The following PDE7B variants were observed in gnomAD, a reference collection of about 807,000 sequenced individuals.
PDE7B encodes phosphodiesterase 7B.
A neutral mutation model predicts 56.2 loss-of-function variants in PDE7B; 29 were observed. The ratio of observed to expected loss-of-function variants is 0.52; its 90% CI spans 0.38 to 0.70. PDE7B has a LOEUF of 0.70. PDE7B is among the 30% of genes least tolerant of loss of function. The pLI is 0.00. For missense variants in PDE7B, 490 were observed against 565.0 expected (o/e 0.87, Z 1.35); for synonymous variants, 197 against 196.9 (o/e 1.00, Z 0.00).
chr6:135,904,006 T>C (rs975344405), intron 1 of PDE7B, among the ~76,000 whole-genome samples: 3 of 152,216 alleles, frequency 2.0e-5, no homozygotes, highest in Non-Finnish European at 4.4e-5. Context: ...AGAATGCTTT[T>C]CCTAAAAAAT....
intron 3 of PDE7B, among the ~76,000 whole-genome samples, chr6:136,122,966 T>C (rs1225715284): frequency 6.6e-6 from 1 of 152,226 alleles, no homozygotes; most frequent in Non-Finnish European, 1.5e-5. Flanking sequence ...ATTCATTCAT[T>C]TATTCACTCC....
chr6:136,067,520 A>C (rs1776963496), intron 2 of PDE7B, among the ~76,000 whole-genome samples: 1 of 152,232 alleles, frequency 6.6e-6, no homozygotes, highest in South Asian at 2.1e-4. Flanking sequence ...AAAACTACAT[A>C]GGACATTCTA....
Position 136,176,266 on chromosome 6 carries a change from TA to T in PDE7B, c.803+2379del, listed in dbSNP as rs770134050. Among the ~76,000 whole-genome samples the T allele has an allele frequency of 1.2e-4, 18 of 152,230 alleles. No homozygotes were observed. The South Asian group carries it at 2.1e-3, about 18-fold the overall frequency. ...ACATTTCACCTAATTAAAATAATTT[TA>T]TTTTCCAATTATAAATTCAGTAAGT... On this transcript the variant is annotated intron_variant, in intron 9 of 12. Coordinates refer to ENST00000308191, the MANE Select transcript of PDE7B (RefSeq NM_018945.4).
chr6:136,169,849 G>C (rs1327694684), intron 8 of PDE7B, among the ~76,000 whole-genome samples: 4 of 152,120 alleles, frequency 2.6e-5, no homozygotes, highest in African/African-American at 9.7e-5. Flanking sequence ...TAGACCAGTT[G>C]ATAAAAGTAA....
At chr6:136,158,363 C>G (rs866173320) in intron 8 of PDE7B, among the ~76,000 whole-genome samples, 1 of 152,102 alleles carries the variant, frequency 6.6e-6, no homozygotes, top group Non-Finnish European at 1.5e-5. Flanking sequence ...TGTACATATA[C>G]GCACAAAAAT....
chr6:135,880,161 C>T (rs1418955014), intron 1 of PDE7B, among the ~76,000 whole-genome samples: 1 of 152,158 alleles, frequency 6.6e-6, no homozygotes, highest in Non-Finnish European at 1.5e-5. Context: ...CCTATACATG[C>T]TCAGCCTGAG....
intron 3 of PDE7B, among the ~76,000 whole-genome samples, chr6:136,131,006 G>A (rs551265373): frequency 6.6e-6 from 1 of 152,152 alleles, no homozygotes; most frequent in Non-Finnish European, 1.5e-5. Flanking sequence ...AATTATGGGA[G>A]CTACAATTCA....
intron 1 of PDE7B, among the ~76,000 whole-genome samples, chr6:135,943,377 C>T (rs1774539832): frequency 6.6e-6 from 1 of 152,118 alleles, no homozygotes; most frequent in Non-Finnish European, 1.5e-5. Context: ...GATCCAAAGC[C>T]CGTGCTCTAC....
At chr6:136,173,984 A>C in intron 9 of PDE7B, 96 bp downstream of exon 9, 1 of 825,694 alleles carries the variant, frequency 1.2e-6, no homozygotes, top group Non-Finnish European at 2.1e-6. Context: ...TGAATGGCAG[A>C]GAGCCCCCCG....
chr6:136,058,593 A>G (rs1478290755), intron 2 of PDE7B, among the ~76,000 whole-genome samples: 2 of 152,212 alleles, frequency 1.3e-5, no homozygotes, highest in African/African-American at 4.8e-5. Flanking sequence ...TAGCAGCCCT[A>G]GTTTATGATA....
intron 1 of PDE7B, among the ~76,000 whole-genome samples, chr6:135,897,131 G>A (rs1006973787): frequency 6.6e-6 from 1 of 152,066 alleles, no homozygotes; most frequent in Non-Finnish European, 1.5e-5. Context: ...GCCTTCCAAG[G>A]TAAGAAACCT....
chr6:135,865,728 A>G (rs886243400), intron 1 of PDE7B, among the ~76,000 whole-genome samples: 2 of 152,048 alleles, frequency 1.3e-5, no homozygotes, highest in African/African-American at 4.8e-5. Context: ...GTCTCTAGAT[A>G]GGATCTACAT....
chr6:136,049,660 T>A (rs1028197741), intron 2 of PDE7B, among the ~76,000 whole-genome samples: 1 of 152,142 alleles, frequency 6.6e-6, no homozygotes, highest in Admixed American at 6.5e-5. Context: ...CTCAACAAGA[T>A]GTGAGAAATT....
chr6:136,171,612 T>A (rs941660413), intron 8 of PDE7B, among the ~76,000 whole-genome samples: 12 of 152,136 alleles, frequency 7.9e-5, no homozygotes, highest in African/African-American at 2.9e-4. Flanking sequence ...TGGTATCCAT[T>A]ACTACCTATT....
chr6:135,925,093 C>G (rs1437712705), intron 1 of PDE7B, among the ~76,000 whole-genome samples: 1 of 148,460 alleles, frequency 6.7e-6, no homozygotes, highest in East Asian at 2.0e-4. Flanking sequence ...GCCAACCTGT[C>G]TCAAGATATT....
rs539395198 is a variant in PDE7B, at chr6:136,054,402, T to C, written c.83-54329T>C. Among the ~76,000 whole-genome samples, 17 of 152,264 alleles carry C rather than the reference T, an allele frequency of 1.1e-4. No homozygotes were observed. In the South Asian group the frequency reaches 2.5e-3, roughly 22 times the overall value. On this transcript the variant is annotated intron_variant, in intron 2 of 12. Coordinates refer to ENST00000308191, the MANE Select transcript of PDE7B (RefSeq NM_018945.4). The stretch of plus-strand genomic sequence containing the variant: ...TTATTGCTGAGGACTCTGTTCTGTT[T>C]CATTGGTCTATATCTCTGTTTTGGT...
At chr6:135,877,944 G>A (rs758000917) in intron 1 of PDE7B, among the ~76,000 whole-genome samples, 1 of 152,168 alleles carries the variant, frequency 6.6e-6, no homozygotes, top group South Asian at 2.1e-4. Flanking sequence ...ATTGGTTGAG[G>A]GTTACTAGAG....
rs560637493 is a variant in PDE7B, at chr6:135,888,679, A to C, written c.21+36660A>C. Among the ~76,000 whole-genome samples, 165 of 151,512 alleles carry C rather than the reference A, an allele frequency of 1.1e-3. No individual in the cohort carries two copies. The South Asian group carries it at 0.017, about 16-fold the overall frequency. On this transcript the variant is annotated intron_variant, in intron 1 of 12. Transcript: ENST00000308191. ...ATATTATAAAAAATAAGTAGTATAA[A>C]AAATAAATATTATAGGTATAAAATA...
At chr6:136,078,285 T>C (rs1003096337) in intron 2 of PDE7B, among the ~76,000 whole-genome samples, 1 of 152,214 alleles carries the variant, frequency 6.6e-6, no homozygotes, top group Non-Finnish European at 1.5e-5. Context: ...CATCTTTGGA[T>C]AGGTATTTGA....
Sources: allele counts gnomAD v4.1 joint callset (sites outside exome capture counted in the v4.1 genomes callset), GRCh38; gene constraint gnomAD v4.1.1; transcripts MANE v1.5; gene names NCBI Gene and HGNC (gene_info 2026-07-23, HGNC 2026-07-21).